The following DGKB variants were observed in gnomAD, a reference collection of about 807,000 sequenced individuals.
DGKB encodes 90 kDa diacylglycerol kinase.
In DGKB, 67 loss-of-function variants were observed where a neutral mutation model predicts 114.3. The ratio of observed to expected loss-of-function variants is 0.59; its 90% CI spans 0.48 to 0.72. The LOEUF is 0.72. Among genes scored for constraint, DGKB ranks in the 30% least tolerant of loss-of-function variants. DGKB has a pLI of 0.00. For synonymous variants in DGKB, 398 were observed against 323.1 expected (o/e 1.23, Z -2.49); for missense variants, 907 against 975.2 (o/e 0.93, Z 0.93).
intron 21 of DGKB, among the ~76,000 whole-genome samples, chr7:14,433,790 C>T (rs1333026223): frequency 1.3e-5 from 2 of 151,004 alleles, no homozygotes; most frequent in South Asian, 4.2e-4. Flanking sequence ...TTTTTTTCTG[C>T]CTTTGTAATA....
chr7:14,780,636 T>C (rs1172486324), intron 2 of DGKB, among the ~76,000 whole-genome samples: 1 of 152,076 alleles, frequency 6.6e-6, no homozygotes, highest in Non-Finnish European at 1.5e-5. Context: ...CACAGATTTT[T>C]TTTTCACACT....
intron 2 of DGKB, among the ~76,000 whole-genome samples, chr7:14,778,805 A>C (rs1317782572): frequency 2.6e-5 from 4 of 152,214 alleles, no homozygotes; most frequent in African/African-American, 9.7e-5. Context: ...TATAAGTTAC[A>C]TAGTAGAAAG....
In DGKB at chr7:14,613,316, A is replaced by C. The variant is rs1585113447; in HGVS notation, c.1358+24T>G. On this transcript the variant is annotated intron_variant, in intron 16 of 25. Transcript: ENST00000402815. The stretch of plus-strand genomic sequence containing the variant: ...TTTTTTACATATACATGACATAGAC[A>C]CTAAAATCAATCAAAAAACATACCG... 2.7e-6 allele frequency: 4 copies of C among 1,481,930 alleles called. No individual in the cohort carries two copies. The East Asian group carries it at 9.7e-5, about 36-fold the overall frequency. The allele number at this position is 1,481,930 out of a possible 1,614,324, so 91.8% of individuals were successfully genotyped here. A position where few individuals can be genotyped will look rare whatever the true frequency, so the allele number is the denominator to read the frequency against.
chr7:14,415,766 A>C (rs1204429719), intron 21 of DGKB, among the ~76,000 whole-genome samples: 1 of 152,164 alleles, frequency 6.6e-6, no homozygotes, highest in Non-Finnish European at 1.5e-5. Flanking sequence ...CATGATTTAT[A>C]ATCCTTTGGG....
intron 2 of DGKB, among the ~76,000 whole-genome samples, chr7:14,836,747 G>T (rs999011692): frequency 6.6e-6 from 1 of 152,202 alleles, no homozygotes; most frequent in South Asian, 2.1e-4. Context: ...ACCGGAGCAC[G>T]GTCACAGCAT....
At chr7:14,380,084 T>C (rs544611923) in intron 21 of DGKB, among the ~76,000 whole-genome samples, 1 of 152,294 alleles carries the variant, frequency 6.6e-6, no homozygotes, top group East Asian at 1.9e-4. Context: ...TATGTCCCCA[T>C]TGAAGTGATC....
At chr7:14,859,701 T>C (rs912458759) in intron 1 of DGKB, among the ~76,000 whole-genome samples, 2 of 152,152 alleles carry the variant, frequency 1.3e-5, no homozygotes, top group Non-Finnish European at 2.9e-5. Flanking sequence ...TGATGCAACA[T>C]TTACTTCGGA....
chr7:14,851,286 T>C (rs144115419), intron 1 of DGKB, among the ~76,000 whole-genome samples: 2 of 152,302 alleles, frequency 1.3e-5, no homozygotes, highest in Non-Finnish European at 2.9e-5. Context: ...GAGGAAAATA[T>C]AGCAAGCTTT....
chr7:14,632,864 C>A (rs1810006628), intron 13 of DGKB, among the ~76,000 whole-genome samples: 1 of 151,814 alleles, frequency 6.6e-6, no homozygotes. Context: ...AGCAGAAGCC[C>A]TTATTGACAG....
chr7:14,938,056 C>G (rs528217256), intron 1 of DGKB, among the ~76,000 whole-genome samples: 208 of 152,248 alleles, frequency 1.4e-3, no homozygotes, highest in Non-Finnish European at 2.7e-3. Context: ...GATGGGTCCC[C>G]CTAACCCATA....
chr7:14,756,654 T>G (rs767119577), intron 3 of DGKB, among the ~76,000 whole-genome samples: 4 of 151,952 alleles, frequency 2.6e-5, no homozygotes, highest in Non-Finnish European at 4.4e-5. Flanking sequence ...TTGAATATCT[T>G]GAGGGTTATG....
At chr7:14,858,636 G>A (rs184372108) in intron 1 of DGKB, among the ~76,000 whole-genome samples, 5 of 152,198 alleles carry the variant, frequency 3.3e-5, no homozygotes, top group South Asian at 2.1e-4. Flanking sequence ...GCAGAGCACC[G>A]TGAGGGATAT....
intron 14 of DGKB, among the ~76,000 whole-genome samples, chr7:14,624,027 A>G (rs1453594010): frequency 6.6e-6 from 1 of 152,230 alleles, no homozygotes; most frequent in Non-Finnish European, 1.5e-5. Context: ...TGTATTCAAT[A>G]TAACAGTTAC....
intron 23 of DGKB, among the ~76,000 whole-genome samples, chr7:14,267,737 C>T (rs1001155542): frequency 6.6e-6 from 1 of 152,120 alleles, no homozygotes; most frequent in Admixed American, 6.5e-5. Flanking sequence ...GATCCACCCA[C>T]CTCGGCCTCC....
intron 21 of DGKB, among the ~76,000 whole-genome samples, chr7:14,419,799 A>G (rs536101601): frequency 6.6e-6 from 1 of 152,096 alleles, no homozygotes; most frequent in South Asian, 2.1e-4. Context: ...AGTGTAAAAT[A>G]CCAAAGCACT....
chr7:14,928,647 GTTCA>G (rs897155021), intron 1 of DGKB, among the ~76,000 whole-genome samples: 1 of 151,538 alleles, frequency 6.6e-6, no homozygotes, highest in African/African-American at 2.4e-5. Context: ...TTGTGTGTAT[GTTCA>G]TTTTTTATTT....
chr7:14,842,327 A>G (rs182160493), intron 1 of DGKB, among the ~76,000 whole-genome samples: 38 of 152,218 alleles, frequency 2.5e-4, no homozygotes, highest in Admixed American at 1.8e-3. Flanking sequence ...CTGTCTTCCA[A>G]TATCAACCCC....
intron 2 of DGKB, among the ~76,000 whole-genome samples, chr7:14,830,555 C>T (rs1189084551): frequency 1.3e-5 from 2 of 151,968 alleles, no homozygotes; most frequent in East Asian, 3.9e-4. Flanking sequence ...TTTCATTTTC[C>T]ACTGACCTCA....
At chr7:14,955,838 G>C (rs1298218410) in intron 1 of DGKB, among the ~76,000 whole-genome samples, 1 of 151,966 alleles carries the variant, frequency 6.6e-6, no homozygotes, top group African/African-American at 2.4e-5. Context: ...AGTAATTCTT[G>C]TTACAAATAA....
Sources: gnomAD v4.1 joint callset for allele counts (sites outside exome capture counted in the v4.1 genomes callset) on GRCh38, gnomAD v4.1.1 for gene constraint, MANE v1.5 for transcripts, NCBI Gene and HGNC (gene_info 2026-07-23, HGNC 2026-07-21) for gene names.